Variants in NFE2L2 observed in about 807,000 individuals in gnomAD.
The protein encoded by NFE2L2 is nuclear factor erythroid 2-related factor 2.
NFE2L2 carries 20 observed loss-of-function variants against 49.6 expected under a neutral mutation model. The observed-to-expected ratio is 0.40, with a 90% confidence interval of 0.28 to 0.59. The LOEUF (loss-of-function observed/expected upper bound fraction) is 0.59. Among genes scored for constraint, NFE2L2 ranks in the 20% least tolerant of loss-of-function variants. The pLI, the probability that NFE2L2 is intolerant of heterozygous loss-of-function variation, is 0.40. For missense variants in NFE2L2, 578 were observed against 714.2 expected (o/e 0.81, Z 2.17); for synonymous variants, 244 against 256.5 (o/e 0.95, Z 0.47).
chr2:177,251,863 A>G (rs140431489), intron 1 of NFE2L2, among the ~76,000 whole-genome samples: 2,913 of 152,018 alleles, frequency 0.019, 44 homozygotes, highest in Non-Finnish European at 0.029. Flanking sequence ...AAAATTAGCC[A>G]GGCGTGGTGG....
chr2:177,249,150 T>C lies in NFE2L2; in HGVS notation c.46-14879A>G, dbSNP rs1398227332. 2.2e-4 allele frequency among the ~76,000 whole-genome samples: 33 copies of C among 151,842 alleles called. 2 individuals are homozygous for C. The highest frequency in any genetic ancestry group is 2.2e-3 in the Admixed American group (33 of 15,238). On this transcript the variant is annotated intron_variant, in intron 1 of 4. Transcript: ENST00000397062. ...CATGAGGATCCTGGAGCCCAGGAGG[T>C]TGAGGCTGCAGTGAACCATGTTTCT...
At chr2:177,232,625 A>G (rs755606257) in intron 3 of NFE2L2, 42 bp from the exon 4 acceptor site, 2 of 1,592,062 alleles carry the variant, frequency 1.3e-6, no homozygotes, top group Non-Finnish European at 1.7e-6. Context: ...TTCCACCAAC[A>G]GGGGATGAGT....
At chr2:177,238,993 TACAC>T (rs200246174) in intron 1 of NFE2L2, among the ~76,000 whole-genome samples, 7 of 152,092 alleles carry the variant, frequency 4.6e-5, no homozygotes, top group Admixed American at 4.6e-4. Context: ...TTTACAAACA[TACAC>T]ACACACACAT....
Position 177,231,988 on chromosome 2 carries a change from G to A in NFE2L2, c.615C>T (p.Asp205=), listed in dbSNP as rs754004209. ...GAACCATGGTAGTCTCAACCAGCTT[G>A]TCATTTTCAATATTAAGACACTGCA... is the stretch of plus-strand genomic sequence containing the variant. ...PELQCLNIEN[D]KLVETTMVPS... is the part of the protein sequence containing the mutation. The change falls in exon 5 of 5, where the codon GAC becomes GAT. Residue 205 remains aspartate, a synonymous_variant. Coordinates refer to ENST00000397062, the MANE Select transcript of NFE2L2 (RefSeq NM_006164.5). 1.2e-5 allele frequency: 20 copies of A among 1,608,508 alleles called. No homozygotes were observed. The highest frequency in any genetic ancestry group is 1.5e-5 in the Non-Finnish European group (18 of 1,177,360).
chr2:177,263,764 G>C (rs1293930421), intron 1 of NFE2L2: 8 of 985,380 alleles, frequency 8.1e-6, no homozygotes, highest in Non-Finnish European at 9.6e-6. Context: ...GCCAACTCCG[G>C]GTGCCCGAGC....
In NFE2L2 at chr2:177,247,388, G is replaced by A. The variant is rs1482251204; in HGVS notation, c.46-13117C>T. On this transcript the variant is annotated intron_variant, in intron 1 of 4. Coordinates refer to ENST00000397062, the MANE Select transcript of NFE2L2 (RefSeq NM_006164.5). Reference sequence around the variant, plus strand: ...CCAAAGAAAGGAATAAAGGCCGGGCGCCGTGGCTCAAGCCTGTAATCCCAG... The same window carrying A: ...CCAAAGAAAGGAATAAAGGCCGGGCACCGTGGCTCAAGCCTGTAATCCCAG... Among the ~76,000 whole-genome samples, 6 of 152,144 alleles carry A rather than the reference G, an allele frequency of 3.9e-5. No individual in the cohort carries two copies. The East Asian group carries it at 9.6e-4, about 24-fold the overall frequency.
At chr2:177,263,877 C>T in intron 1 of NFE2L2, 1 of 985,538 alleles carries the variant, frequency 1.0e-6, no homozygotes, top group Non-Finnish European at 1.2e-6. Context: ...TCCCTCGTCC[C>T]GGGGCTGGGC....
chr2:177,239,238 G>A (rs551413555), intron 1 of NFE2L2, among the ~76,000 whole-genome samples: 32 of 152,156 alleles, frequency 2.1e-4, no homozygotes, highest in Middle Eastern at 3.4e-3. Context: ...CAGCTCCTGC[G>A]GCCCTAGCTT....
intron 4 of NFE2L2, 130 bp from the exon 5 acceptor site, chr2:177,232,138 G>T: frequency 9.7e-7 from 1 of 1,034,290 alleles, no homozygotes; most frequent in Non-Finnish European, 1.4e-6. Context: ...ATAATTCAGA[G>T]ATAATTCTCA....
chr2:177,263,901 C>T, intron 1 of NFE2L2: 1 of 985,526 alleles, frequency 1.0e-6, no homozygotes, highest in African/African-American at 1.7e-5. Flanking sequence ...CAAGAGAGCT[C>T]AAGGCTGCCA....
chr2:177,257,637 A>C (rs12471433), intron 1 of NFE2L2, among the ~76,000 whole-genome samples: 45,233 of 152,162 alleles, frequency 0.3, 7,500 homozygotes, highest in East Asian at 0.52. Context: ...TGGGTCCCCT[A>C]GGGCAGGGGT....
intron 1 of NFE2L2, among the ~76,000 whole-genome samples, chr2:177,252,408 T>A (rs1391747627): frequency 6.6e-6 from 1 of 152,124 alleles, no homozygotes; most frequent in Non-Finnish European, 1.5e-5. Context: ...CAGGAAAAGC[T>A]CATAGGAGAG....
At chr2:177,246,787 T>TG (rs1217696763) in intron 1 of NFE2L2, among the ~76,000 whole-genome samples, 1 of 145,600 alleles carries the variant, frequency 6.9e-6, no homozygotes, top group Non-Finnish European at 1.5e-5. Flanking sequence ...TTTTTTTTTT[T>TG]TTTTTGTACA....
chr2:177,248,956 C>T (rs377144340), intron 1 of NFE2L2, among the ~76,000 whole-genome samples: 6 of 152,080 alleles, frequency 3.9e-5, no homozygotes, highest in Non-Finnish European at 8.8e-5. Flanking sequence ...ATGGCTCACA[C>T]CTGTTATCCC....
intron 1 of NFE2L2, among the ~76,000 whole-genome samples, chr2:177,246,143 C>T (rs1690118576): frequency 6.6e-6 from 1 of 152,158 alleles, no homozygotes; most frequent in Non-Finnish European, 1.5e-5. Context: ...AAGGTCTGCC[C>T]TCTGGACACT....
intron 1 of NFE2L2, among the ~76,000 whole-genome samples, chr2:177,235,916 G>A (rs951320729): frequency 2.0e-5 from 3 of 152,194 alleles, no homozygotes; most frequent in Non-Finnish European, 2.9e-5. Context: ...TGTGTCAATA[G>A]CAGTTTTTCT....
intron 1 of NFE2L2, among the ~76,000 whole-genome samples, chr2:177,251,394 C>A (rs1450934991): frequency 2.0e-5 from 3 of 152,170 alleles, no homozygotes; most frequent in East Asian, 3.9e-4. Context: ...GGTTTCTAGG[C>A]CCAGAACCTC....
chr2:177,237,348 C>T (rs1689784803), intron 1 of NFE2L2, among the ~76,000 whole-genome samples: 1 of 152,152 alleles, frequency 6.6e-6, no homozygotes, highest in Non-Finnish European at 1.5e-5. Flanking sequence ...AAAATAGCAA[C>T]CACAGAGCAT....
At chr2:177,258,393 C>T (rs1690608842) in intron 1 of NFE2L2, among the ~76,000 whole-genome samples, 2 of 152,016 alleles carry the variant, frequency 1.3e-5, no homozygotes, top group Admixed American at 6.6e-5. Context: ...CCAGAATAGG[C>T]AAATCCATAG....
Sources: gnomAD v4.1 joint callset for allele counts (sites outside exome capture counted in the v4.1 genomes callset) on GRCh38, gnomAD v4.1.1 for gene constraint, MANE v1.5 for transcripts, NCBI Gene and HGNC (gene_info 2026-07-23, HGNC 2026-07-21) for gene names.